The following PDE1A variants were observed in gnomAD, a reference collection of about 807,000 sequenced individuals.
PDE1A encodes the protein dual specificity calcium/calmodulin-dependent 3',5'-cyclic nucleotide phosphodiesterase 1A.
PDE1A carries 35 observed loss-of-function variants against 61.7 expected under a neutral mutation model. The observed-to-expected ratio is 0.57, with a 90% confidence interval of 0.43 to 0.75. The LOEUF (loss-of-function observed/expected upper bound fraction) is 0.75. Among genes scored for constraint, PDE1A ranks in the 30% least tolerant of loss-of-function variants. The pLI is 0.00. For missense variants in PDE1A, 597 were observed against 630.6 expected, an observed-to-expected ratio of 0.95 and a Z score of 0.57; for synonymous variants, 232 against 213.2, an observed-to-expected ratio of 1.09 and a Z score of -0.77.
downstream of PDE1A, among the ~76,000 whole-genome samples, chr2:182,166,970 T>G (rs181495489): frequency 6.6e-6 from 1 of 152,242 alleles, no homozygotes; most frequent in East Asian, 1.9e-4. Flanking sequence ...CAAAAAGAAA[T>G]AACTTAGCTA....
At chr2:182,633,141 T>A in the PDE1A span, among the ~76,000 whole-genome samples, 1 of 152,294 alleles carries the variant, frequency 6.6e-6, no homozygotes, top group East Asian at 1.9e-4. Context: ...ACATTTAGGA[T>A]GGAGATGTCA....
chr2:182,225,289 G>A (rs1284032511), intron 6 of PDE1A, among the ~76,000 whole-genome samples: 1 of 151,876 alleles, frequency 6.6e-6, no homozygotes, highest in African/African-American at 2.4e-5. Flanking sequence ...TGGAGAGTAT[G>A]GAAAGAGTTA....
chr2:182,699,084 T>G, the PDE1A span, among the ~76,000 whole-genome samples: 1 of 152,184 alleles, frequency 6.6e-6, no homozygotes, highest in African/African-American at 2.4e-5. Context: ...TAAAAATAAA[T>G]GCTGTATTGA....
At chr2:182,534,387 T>C in the PDE1A span, among the ~76,000 whole-genome samples, 1 of 152,044 alleles carries the variant, frequency 6.6e-6, no homozygotes, top group Non-Finnish European at 1.5e-5. Flanking sequence ...TCAAGGGTTA[T>C]AAATCTAATG....
At chr2:182,394,424 C>G (rs1378779506) in intron 1 of PDE1A, among the ~76,000 whole-genome samples, 1 of 152,118 alleles carries the variant, frequency 6.6e-6, no homozygotes, top group Admixed American at 6.5e-5. Context: ...TACCTCCCAC[C>G]AAGTCCCTCC....
chr2:182,451,701 T>G (rs1685534930), intron 2 of PDE1A, among the ~76,000 whole-genome samples: 1 of 152,106 alleles, frequency 6.6e-6, no homozygotes. Context: ...CTCTAGTTGC[T>G]TAAACTTTTG....
chr2:182,536,711 G>A, the PDE1A span, among the ~76,000 whole-genome samples: 2 of 152,076 alleles, frequency 1.3e-5, no homozygotes, highest in African/African-American at 4.8e-5. Context: ...CTTGAAGCTG[G>A]GTTAACTTTT....
At chr2:182,402,508 T>G (rs1655961833) in intron 1 of PDE1A, among the ~76,000 whole-genome samples, 1 of 152,140 alleles carries the variant, frequency 6.6e-6, no homozygotes, top group South Asian at 2.1e-4. Context: ...TCCTTATACC[T>G]TATACAGAAA....
At chr2:182,308,510 A>G (rs1217165364) in intron 1 of PDE1A, among the ~76,000 whole-genome samples, 2 of 152,136 alleles carry the variant, frequency 1.3e-5, no homozygotes, top group African/African-American at 4.8e-5. Context: ...AAGTAAATCC[A>G]TATGTGGATC....
At chr2:182,386,287 C>T (rs1473894768) in intron 1 of PDE1A, among the ~76,000 whole-genome samples, 2 of 152,044 alleles carry the variant, frequency 1.3e-5, no homozygotes, top group Non-Finnish European at 2.9e-5. Context: ...AAGTGAGGAG[C>T]GTCTCTGCTT....
intron 13 of PDE1A, among the ~76,000 whole-genome samples, chr2:182,176,772 A>T (rs1284689379): frequency 6.7e-6 from 1 of 149,200 alleles, no homozygotes; most frequent in East Asian, 2.0e-4. Context: ...CCAGTTTTCA[A>T]AGGGAATGCT....
the PDE1A span, among the ~76,000 whole-genome samples, chr2:182,637,353 TTGA>T: frequency 7.2e-5 from 11 of 152,186 alleles, no homozygotes; most frequent in Non-Finnish European, 1.3e-4. Flanking sequence ...CCAGAAAAAG[TTGA>T]TGAACTGAAC....
At chr2:182,410,109 T>TG (rs1702526881) in intron 1 of PDE1A, among the ~76,000 whole-genome samples, 1 of 152,128 alleles carries the variant, frequency 6.6e-6, no homozygotes, top group African/African-American at 2.4e-5. Flanking sequence ...CCCAGCACTT[T>TG]GGGAGGCTAA....
chr2:182,330,499 T>C (rs1353601387), intron 1 of PDE1A, among the ~76,000 whole-genome samples: 2 of 152,158 alleles, frequency 1.3e-5, no homozygotes, highest in Non-Finnish European at 2.9e-5. Context: ...ATTTCTCTGA[T>C]CCTTAAATGT....
chr2:182,492,239 T>G (rs547933390), intron 2 of PDE1A, among the ~76,000 whole-genome samples: 1 of 152,158 alleles, frequency 6.6e-6, no homozygotes, highest in Non-Finnish European at 1.5e-5. Context: ...ACTATAATTA[T>G]TTATACCAAT....
downstream of PDE1A, among the ~76,000 whole-genome samples, chr2:182,163,737 C>T (rs1691507968): frequency 6.6e-6 from 1 of 152,132 alleles, no homozygotes; most frequent in Admixed American, 6.6e-5. Flanking sequence ...TACCCTAGCC[C>T]ATTTACTGGG....
intron 1 of PDE1A, among the ~76,000 whole-genome samples, chr2:182,399,941 G>T (rs1363976782): frequency 6.6e-6 from 1 of 152,070 alleles, no homozygotes; most frequent in Non-Finnish European, 1.5e-5. Flanking sequence ...TCTAAAACAG[G>T]ATTGCTAGTC....
intron 1 of PDE1A, among the ~76,000 whole-genome samples, chr2:182,316,867 T>C (rs1252964968): frequency 1.3e-5 from 2 of 152,294 alleles, no homozygotes; most frequent in East Asian, 3.9e-4. Context: ...TAGTATTAAG[T>C]AAAGAAAATC....
chr2:182,263,857 C>T (rs569477475), intron 2 of PDE1A, among the ~76,000 whole-genome samples: 2 of 152,268 alleles, frequency 1.3e-5, no homozygotes, highest in South Asian at 2.1e-4. Flanking sequence ...TTAGCAATCC[C>T]TGCATAGAGG....
Sources: allele counts gnomAD v4.1 joint callset (sites outside exome capture counted in the v4.1 genomes callset), GRCh38; gene constraint gnomAD v4.1.1; transcripts MANE v1.5; gene names NCBI Gene and HGNC (gene_info 2026-07-23, HGNC 2026-07-21).